The following CFAP299 variants were observed in gnomAD, a reference collection of about 807,000 sequenced individuals.
CFAP299 encodes cilia and flagella associated protein 299, also known as cilia- and flagella-associated protein 299.
Under a neutral mutation model 27.0 loss-of-function variants are expected in CFAP299, and 21 were observed. The observed-to-expected ratio is 0.78, with a 90% CI of 0.55 to 1.12. CFAP299 has a LOEUF of 1.12. CFAP299 is among the 50% of genes most tolerant of loss of function. The probability of loss-of-function intolerance (pLI) is 0.00; values close to 1 mark genes in which losing one functional copy is unlikely to be tolerated. For synonymous variants in CFAP299, 104 were observed against 98.1 expected (o/e 1.06, Z -0.36); for missense variants, 310 against 276.6 (o/e 1.12, Z -0.86).
Position 80,697,142 on chromosome 4 carries a change from G to A in CFAP299, c.333+113959G>A, listed in dbSNP as rs530747534. 1.0e-3 allele frequency among the ~76,000 whole-genome samples: 159 copies of A among 151,902 alleles called. 4 individuals are homozygous for A. The South Asian group carries it at 0.024, about 23-fold the overall frequency. ...GAGGATTGCTTGAACCTAGGAGTAC[G>A]AGACCAGCCTGGGAAACATAGTGAG... On this transcript the variant is annotated intron_variant, in intron 3 of 5. Coordinates refer to ENST00000358105, the MANE Select transcript of CFAP299 (RefSeq NM_152770.3).
intron 1 of CFAP299, among the ~76,000 whole-genome samples, chr4:80,361,038 C>G (rs532949756): frequency 6.6e-6 from 1 of 152,312 alleles, no homozygotes; most frequent in South Asian, 2.1e-4. Context: ...TTGCTCTTAA[C>G]TAGGATATTT....
At chr4:80,933,166 CT>C in intron 4 of CFAP299, among the ~76,000 whole-genome samples, 1 of 134,564 alleles carries the variant, frequency 7.4e-6, no homozygotes, top group Non-Finnish European at 1.6e-5. Context: ...CTTTCCTTTC[CT>C]TTCTTTCTTT....
chr4:80,875,414 C>T (rs940153310), intron 4 of CFAP299, among the ~76,000 whole-genome samples: 11 of 152,158 alleles, frequency 7.2e-5, no homozygotes, highest in Admixed American at 3.9e-4. Context: ...GTAATCCCAG[C>T]ACTTTGGGAG....
intron 2 of CFAP299, among the ~76,000 whole-genome samples, chr4:80,456,204 A>G (rs1729146574): frequency 6.6e-6 from 1 of 152,134 alleles, no homozygotes; most frequent in Admixed American, 6.6e-5. Context: ...GGGATGATTT[A>G]AAGAAAATGA....
chr4:80,690,917 C>T (rs1357442112), intron 3 of CFAP299, among the ~76,000 whole-genome samples: 2 of 148,828 alleles, frequency 1.3e-5, no homozygotes, highest in South Asian at 2.2e-4. Flanking sequence ...ACAAACACCT[C>T]TATGCAAATA....
chr4:80,386,255 G>A, intron 2 of CFAP299: 1 of 1,167,876 alleles, frequency 8.6e-7, no homozygotes, highest in Non-Finnish European at 1.2e-6. Flanking sequence ...AGCCCCGCCA[G>A]AGCCAGGTTG....
At chr4:80,924,806 CAA>C (rs1736227728) in intron 4 of CFAP299, among the ~76,000 whole-genome samples, 1 of 151,298 alleles carries the variant, frequency 6.6e-6, no homozygotes. Context: ...TTTTAAAAGA[CAA>C]AATCATTTTA....
At chr4:80,593,885 A>G (rs1017795024) in intron 3 of CFAP299, among the ~76,000 whole-genome samples, 3 of 152,104 alleles carry the variant, frequency 2.0e-5, no homozygotes, top group Non-Finnish European at 2.9e-5. Flanking sequence ...TTGATAGGTC[A>G]TGTTTTCATT....
At chr4:80,551,997 C>T (rs1734542588) in intron 2 of CFAP299, among the ~76,000 whole-genome samples, 1 of 152,146 alleles carries the variant, frequency 6.6e-6, no homozygotes, top group East Asian at 1.9e-4. Flanking sequence ...TATCTGCCCG[C>T]CTTGTCCTCC....
chr4:80,477,878 TC>T (rs1730358710), intron 2 of CFAP299, among the ~76,000 whole-genome samples: 1 of 152,118 alleles, frequency 6.6e-6, no homozygotes, highest in Non-Finnish European at 1.5e-5. Flanking sequence ...AGCTCTTTTC[TC>T]CCTCCACACC....
chr4:80,371,242 G>A (rs749188548), intron 2 of CFAP299, among the ~76,000 whole-genome samples: 17 of 152,206 alleles, frequency 1.1e-4, no homozygotes, highest in African/African-American at 2.4e-4. Flanking sequence ...ACAGGATAGC[G>A]GGGCACTGGG....
At position 80,336,023 on chromosome 4, in the gene CFAP299, G is replaced by T. The variant is rs1722123159; in HGVS notation, c.111+144G>T. The T allele has an allele frequency of 4.9e-6, 3 of 615,548 alleles. No homozygotes were observed. In the South Asian group the frequency reaches 5.6e-5, roughly 11 times the overall value. 38.1% of individuals were successfully genotyped at this position (615,548 alleles called of 1,614,324 possible). A position where few individuals can be genotyped will look rare whatever the true frequency, so the allele number is the denominator to read the frequency against. On this transcript the variant is annotated intron_variant, in intron 1 of 5. Coordinates refer to ENST00000358105, the MANE Select transcript of CFAP299 (RefSeq NM_152770.3). ...GTTTCGGGACCGCGACACTAAAGCC[G>T]CTGGCGAGGTGAATTGCCGCGTCCT...
At chr4:80,788,747 G>A (rs1469707382) in intron 3 of CFAP299, among the ~76,000 whole-genome samples, 1 of 151,954 alleles carries the variant, frequency 6.6e-6, no homozygotes, top group African/African-American at 2.4e-5. Flanking sequence ...TGAGGGGAAG[G>A]GAAGTGAGAG....
chr4:80,680,186 C>T (rs975763057), intron 3 of CFAP299, among the ~76,000 whole-genome samples: 2 of 152,062 alleles, frequency 1.3e-5, no homozygotes, highest in African/African-American at 4.8e-5. Context: ...CTCTTTCTAT[C>T]AAATCTTTAA....
chr4:80,840,814 T>G (rs1030797934), intron 3 of CFAP299, among the ~76,000 whole-genome samples: 4 of 152,132 alleles, frequency 2.6e-5, no homozygotes, highest in African/African-American at 9.7e-5. Context: ...TCCAAATAAT[T>G]GGTTTGCCTT....
chr4:80,573,581 G>A (rs1012315274), intron 2 of CFAP299, among the ~76,000 whole-genome samples: 4 of 152,032 alleles, frequency 2.6e-5, no homozygotes, highest in African/African-American at 9.7e-5. Context: ...TCTTGTAGTA[G>A]TTTCACAGTT....
chr4:80,723,352 A>G (rs1164737231), intron 3 of CFAP299, among the ~76,000 whole-genome samples: 1 of 152,200 alleles, frequency 6.6e-6, no homozygotes, highest in Non-Finnish European at 1.5e-5. Context: ...ACAAACATAC[A>G]TCAATAGGCT....
intron 3 of CFAP299, among the ~76,000 whole-genome samples, chr4:80,739,267 T>C (rs1032444152): frequency 6.6e-6 from 1 of 152,158 alleles, no homozygotes; most frequent in African/African-American, 2.4e-5. Context: ...ATTTTGAATC[T>C]TCAGATAATT....
intron 3 of CFAP299, among the ~76,000 whole-genome samples, chr4:80,694,502 A>G (rs898688013): frequency 6.6e-6 from 1 of 152,324 alleles, no homozygotes. Flanking sequence ...GACTTAACAA[A>G]TACTCTGAGT....
Sources: allele counts gnomAD v4.1 joint callset (sites outside exome capture counted in the v4.1 genomes callset), GRCh38; gene constraint gnomAD v4.1.1; transcripts MANE v1.5; gene names NCBI Gene and HGNC (gene_info 2026-07-23, HGNC 2026-07-21).